The following PRKD1 variants were observed in gnomAD, a reference collection of about 807,000 sequenced individuals.
PRKD1 encodes the protein protein kinase D1.
In PRKD1, 63 loss-of-function variants were observed where a neutral mutation model predicts 95.9. That is an observed-to-expected ratio of 0.66 (90% CI 0.54 to 0.81). The LOEUF is 0.81. Ranked by LOEUF, PRKD1 falls within the 30% of genes least tolerant of loss-of-function variation. The probability of loss-of-function intolerance (pLI) is 0.00; values close to 1 mark genes in which losing one functional copy is unlikely to be tolerated. For synonymous variants in PRKD1, 425 were observed against 423.1 expected, an observed-to-expected ratio of 1.00 and a Z score of -0.05; for missense variants, 1,048 against 1,165.3, an observed-to-expected ratio of 0.90 and a Z score of 1.47.
intron 13 of PRKD1, among the ~76,000 whole-genome samples, chr14:29,608,563 T>C (rs1878187329): frequency 6.6e-6 from 1 of 152,202 alleles, no homozygotes; most frequent in African/African-American, 2.4e-5. Flanking sequence ...TTCTCCCCTT[T>C]TTCTTGTTGC....
At chr14:29,642,064 C>T (rs550547073) in intron 4 of PRKD1, among the ~76,000 whole-genome samples, 33 of 151,910 alleles carry the variant, frequency 2.2e-4, no homozygotes, top group African/African-American at 6.5e-4. Context: ...CCACCACGCC[C>T]GGCTAATTTT....
chr14:29,631,005 T>A lies in PRKD1; in HGVS notation c.1409A>T (p.Glu470Val). The change falls in exon 10 of 18, where the codon GAA becomes GTA. Residue 470 changes from glutamate to valine, a missense_variant. By Grantham distance (121) the Glu-to-Val change is moderately radical. Around this residue, in one of 3 missense-constraint regions of PRKD1, gnomAD observed 739 missense variants for 861.9 expected, o/e 0.86. Coordinates refer to ENST00000331968, the MANE Select transcript of PRKD1 (RefSeq NM_002742.3). ...SRYYKEIPLS[E>V]ILSLEPVKTS... is the part of the protein sequence containing the mutation. ...TTTTACTGGTTCCAGAGACAAAATT[T>A]CAGATAAAGGAATTTCCTGTGAAAG... 2 of 1,608,106 alleles carry A rather than the reference T, an allele frequency of 1.2e-6. No homozygotes were observed. Among genetic ancestry groups the A allele is most frequent in the Middle Eastern group, 3.3e-4 (2 of 6,030 alleles).
At chr14:29,744,089 A>C (rs1405139610) in intron 1 of PRKD1, among the ~76,000 whole-genome samples, 1 of 152,104 alleles carries the variant, frequency 6.6e-6, no homozygotes, top group East Asian at 1.9e-4. Flanking sequence ...TATCGTTTAT[A>C]CTCGGGTGAC....
At chr14:29,695,413 C>T (rs1884459328) in intron 2 of PRKD1, among the ~76,000 whole-genome samples, 1 of 152,106 alleles carries the variant, frequency 6.6e-6, no homozygotes, top group Admixed American at 6.5e-5. Context: ...AAAGTTGATG[C>T]TGACTTGGAC....
chr14:29,905,864 T>A (rs1218103820), intron 1 of PRKD1, among the ~76,000 whole-genome samples: 2 of 152,154 alleles, frequency 1.3e-5, no homozygotes, highest in African/African-American at 4.8e-5. Flanking sequence ...GAAAATCAAA[T>A]ATAATATCCA....
chr14:29,613,451 G>A (rs1878623730), intron 13 of PRKD1, among the ~76,000 whole-genome samples: 1 of 152,084 alleles, frequency 6.6e-6, no homozygotes, highest in Admixed American at 6.5e-5. Context: ...AAAAAATGAT[G>A]GTAAGAAATG....
At chr14:29,708,486 A>G (rs1445873152) in intron 2 of PRKD1, among the ~76,000 whole-genome samples, 2 of 152,172 alleles carry the variant, frequency 1.3e-5, no homozygotes, top group African/African-American at 4.8e-5. Context: ...AGGTTTGTCT[A>G]GATATTTCGT....
chr14:29,702,770 T>C (rs1483199882), intron 2 of PRKD1, among the ~76,000 whole-genome samples: 1 of 152,168 alleles, frequency 6.6e-6, no homozygotes, highest in African/African-American at 2.4e-5. Flanking sequence ...CTAAATATTT[T>C]TGTACACTAA....
chr14:29,872,580 C>T (rs891354929), intron 1 of PRKD1, among the ~76,000 whole-genome samples: 5 of 151,118 alleles, frequency 3.3e-5, no homozygotes, highest in African/African-American at 4.9e-5. Context: ...TGCTTGAACC[C>T]GGGAGGCGGA....
chr14:29,750,746 T>C (rs573630263), intron 1 of PRKD1, among the ~76,000 whole-genome samples: 1 of 152,206 alleles, frequency 6.6e-6, no homozygotes, highest in Non-Finnish European at 1.5e-5. Flanking sequence ...ACATAGACAG[T>C]GGTCCTGGCT....
chr14:29,872,861 C>T (rs940292718), intron 1 of PRKD1, among the ~76,000 whole-genome samples: 1 of 152,082 alleles, frequency 6.6e-6, no homozygotes, highest in Non-Finnish European at 1.5e-5. Context: ...ATCAAAGAGC[C>T]ATTTGTCAGT....
At position 29,599,121 on chromosome 14, in the gene PRKD1, A is replaced by C; in HGVS notation, c.2072T>G (p.Leu691Arg). ...HITKFLITQI[L>R]VALRHLHFKN... ...AAAATGAAGGTGCCGCAAAGCCACG[A>C]GTATCTGTAAAGAAGAATCACCAAA... is the stretch of plus-strand genomic sequence containing the variant. The change falls in exon 15 of 18, where the codon CTC becomes CGC. Residue 691 changes from leucine to arginine, a missense_variant. Around this residue, in one of 3 missense-constraint regions of PRKD1, gnomAD observed 739 missense variants for 861.9 expected, o/e 0.86. Coordinates refer to ENST00000331968, the MANE Select transcript of PRKD1 (RefSeq NM_002742.3). 1.2e-6 allele frequency: 2 copies of C among 1,612,558 alleles called. No homozygotes were observed. Among genetic ancestry groups the C allele is most frequent in the Non-Finnish European group, 1.7e-6 (2 of 1,178,748 alleles).
Position 29,638,812 on chromosome 14 carries a change from C to T in PRKD1, c.789G>A (p.Leu263=). 3.5e-6 allele frequency: 5 copies of T among 1,410,022 alleles called. No homozygotes were observed. The highest frequency in any genetic ancestry group is 4.8e-6 in the Non-Finnish European group (5 of 1,050,608). 87.3% of individuals were successfully genotyped at this position (1,410,022 alleles called of 1,614,324 possible). The change falls in exon 5 of 18, where the codon TTG becomes TTA. Residue 263 remains leucine (L), a synonymous_variant. Coordinates refer to ENST00000331968, the MANE Select transcript of PRKD1 (RefSeq NM_002742.3). ...TGTGCGGCACTTTAACTTTAGACAT[C>T]AAAATCTTGTCAAGGTGAATTGGTC... The part of the protein sequence containing the change: ...IGRPIHLDKI[L]MSKVKVPHTF...
chr14:29,878,047 G>A (rs1004210788), intron 1 of PRKD1, among the ~76,000 whole-genome samples: 2 of 152,084 alleles, frequency 1.3e-5, no homozygotes, highest in Non-Finnish European at 2.9e-5. Context: ...ACTAACCTAG[G>A]AACAAAAACC....
intron 1 of PRKD1, among the ~76,000 whole-genome samples, chr14:29,869,474 T>A (rs1446346651): frequency 1.3e-5 from 2 of 151,474 alleles, no homozygotes; most frequent in African/African-American, 4.8e-5. Context: ...GAAAGAAATA[T>A]TTGCCTATGC....
chr14:29,609,467 A>T (rs1325251674), intron 13 of PRKD1, among the ~76,000 whole-genome samples: 1 of 150,656 alleles, frequency 6.6e-6, no homozygotes, highest in Non-Finnish European at 1.5e-5. Context: ...ATAGCAAAAG[A>T]AATCACTTGA....
At chr14:29,864,328 C>T (rs1892810430) in intron 1 of PRKD1, among the ~76,000 whole-genome samples, 1 of 151,982 alleles carries the variant, frequency 6.6e-6, no homozygotes, top group African/African-American at 2.4e-5. Flanking sequence ...TAAAGGTTTC[C>T]TGAATCATGG....
intron 13 of PRKD1, among the ~76,000 whole-genome samples, chr14:29,622,743 G>A (rs1458366076): frequency 2.0e-5 from 3 of 152,128 alleles, no homozygotes; most frequent in Non-Finnish European, 4.4e-5. Context: ...AGCTGATACT[G>A]TGTTGACAGA....
intron 1 of PRKD1, among the ~76,000 whole-genome samples, chr14:29,729,742 A>T: frequency 6.6e-6 from 1 of 151,906 alleles, no homozygotes; most frequent in South Asian, 2.1e-4. Context: ...AGCTTGTATT[A>T]TTGATTTGAG....
Sources: gnomAD v4.1 joint callset for allele counts (sites outside exome capture counted in the v4.1 genomes callset) on GRCh38, gnomAD v4.1.1 for gene constraint, gnomAD v4.1.1 regional missense constraint, MANE v1.5 for transcripts, NCBI Gene and HGNC (gene_info 2026-07-23, HGNC 2026-07-21) for gene names.